Variants in PPARGC1A observed in about 807,000 individuals in gnomAD.
The protein encoded by PPARGC1A is peroxisome proliferator-activated receptor gamma coactivator 1-alpha.
A neutral mutation model predicts 88.7 loss-of-function variants in PPARGC1A; 25 were observed. The observed-to-expected ratio is 0.28, with a 90% CI of 0.21 to 0.39. The LOEUF is 0.39. Ranked by LOEUF, PPARGC1A falls within the 10% of genes least tolerant of loss-of-function variation. The pLI is 1.00. For synonymous variants in PPARGC1A, 363 were observed against 355.6 expected (o/e 1.02, Z -0.24); for missense variants, 880 against 968.7 (o/e 0.91, Z 1.22).
the PPARGC1A span, among the ~76,000 whole-genome samples, chr4:24,228,690 A>AG: frequency 2.0e-5 from 3 of 152,208 alleles, no homozygotes; most frequent in Admixed American, 6.5e-5. Flanking sequence ...TAGGGAATAA[A>AG]GGTAGGACCC....
chr4:24,172,287 GC>G, the PPARGC1A span, among the ~76,000 whole-genome samples: 1 of 152,178 alleles, frequency 6.6e-6, no homozygotes, highest in Admixed American at 6.5e-5. Context: ...ATGTTTTAAT[GC>G]CTGAACCTCC....
chr4:24,225,554 A>C, the PPARGC1A span, among the ~76,000 whole-genome samples: 1 of 151,678 alleles, frequency 6.6e-6, no homozygotes, highest in Non-Finnish European at 1.5e-5. Context: ...CACACACACA[A>C]AAACAAAACA....
At chr4:24,036,891 C>T in the PPARGC1A span, among the ~76,000 whole-genome samples, 1 of 152,198 alleles carries the variant, frequency 6.6e-6, no homozygotes, top group African/African-American at 2.4e-5. Flanking sequence ...ATGTCCAGTA[C>T]TTAGAACAAC....
chr4:24,086,362 T>C, the PPARGC1A span, among the ~76,000 whole-genome samples: 5 of 152,218 alleles, frequency 3.3e-5, no homozygotes, highest in Admixed American at 6.5e-5. Context: ...GAATGGCTGG[T>C]GTCACATCCA....
At chr4:23,918,233 T>G in the PPARGC1A span, among the ~76,000 whole-genome samples, 1 of 152,116 alleles carries the variant, frequency 6.6e-6, no homozygotes, top group South Asian at 2.1e-4. Flanking sequence ...TTTTTTCTTT[T>G]TTTTGGGGGG....
At chr4:23,816,636 A>G (rs1337481225) in intron 7 of PPARGC1A, among the ~76,000 whole-genome samples, 1 of 152,204 alleles carries the variant, frequency 6.6e-6, no homozygotes, top group African/African-American at 2.4e-5. Context: ...AGTAAATACC[A>G]ATCAAATATG....
At chr4:23,949,282 T>C in the PPARGC1A span, among the ~76,000 whole-genome samples, 1 of 152,150 alleles carries the variant, frequency 6.6e-6, no homozygotes. Context: ...TGGAGTAACA[T>C]GCACAAAAGA....
At chr4:23,884,522 T>G in intron 2 of PPARGC1A, 1 of 442,736 alleles carries the variant, frequency 2.3e-6, no homozygotes, top group Non-Finnish European at 3.9e-6. Context: ...CTCACAGTTG[T>G]TGATTCCTAG....
intron 2 of PPARGC1A, among the ~76,000 whole-genome samples, chr4:23,858,572 C>A (rs1464663217): frequency 6.6e-6 from 1 of 152,180 alleles, no homozygotes; most frequent in East Asian, 1.9e-4. Flanking sequence ...GGAATTTGGG[C>A]AAGCCCCTTT....
chr4:24,160,093 C>A, the PPARGC1A span, among the ~76,000 whole-genome samples: 6 of 152,186 alleles, frequency 3.9e-5, no homozygotes, highest in African/African-American at 1.4e-4. Flanking sequence ...GTCTCAAACT[C>A]AAATCCCAGC....
At chr4:24,050,621 T>A in the PPARGC1A span, among the ~76,000 whole-genome samples, 1 of 152,174 alleles carries the variant, frequency 6.6e-6, no homozygotes, top group African/African-American at 2.4e-5. Context: ...ACATCAGAGT[T>A]CCCTAGTCTG....
At chr4:23,976,965 A>G in the PPARGC1A span, among the ~76,000 whole-genome samples, 2,281 of 152,164 alleles carry the variant, frequency 0.015, 63 homozygotes, top group African/African-American at 0.052. Context: ...AGAAGAGGAA[A>G]AGGAAAAGGA....
chr4:24,184,917 G>C, the PPARGC1A span, among the ~76,000 whole-genome samples: 3 of 152,184 alleles, frequency 2.0e-5, no homozygotes, highest in African/African-American at 7.2e-5. Flanking sequence ...GGAAAAAGAA[G>C]CCTCAGAAAG....
At chr4:24,306,137 G>C in the PPARGC1A span, among the ~76,000 whole-genome samples, 1 of 152,092 alleles carries the variant, frequency 6.6e-6, no homozygotes, top group Non-Finnish European at 1.5e-5. Context: ...CACAGTCCCA[G>C]ATAAAAACAA....
upstream of PPARGC1A, among the ~76,000 whole-genome samples, chr4:23,892,544 G>GTTTTTTT (rs34009315): frequency 6.9e-6 from 1 of 144,102 alleles, no homozygotes; most frequent in Non-Finnish European, 1.5e-5. Flanking sequence ...CTTCAGTCCA[G>GTTTTTTT]TTTTTTTTTT....
the PPARGC1A span, among the ~76,000 whole-genome samples, chr4:24,338,620 A>C: frequency 6.6e-6 from 1 of 152,322 alleles, no homozygotes; most frequent in South Asian, 2.1e-4. Flanking sequence ...CCCCCGTTTC[A>C]AGTCCTTTTC....
intron 2 of PPARGC1A, among the ~76,000 whole-genome samples, chr4:23,870,368 C>T (rs551518247): frequency 1.2e-4 from 18 of 152,278 alleles, no homozygotes; most frequent in African/African-American, 3.4e-4. Flanking sequence ...ACTGTATGGA[C>T]CTATTGAGAA....
the PPARGC1A span, among the ~76,000 whole-genome samples, chr4:23,992,540 C>G: frequency 1.3e-5 from 2 of 151,966 alleles, no homozygotes; most frequent in African/African-American, 4.8e-5. Context: ...CCAAAAAAAA[C>G]AGCCAAGTTG....
the PPARGC1A span, among the ~76,000 whole-genome samples, chr4:23,940,318 G>C: frequency 6.6e-6 from 1 of 152,156 alleles, no homozygotes; most frequent in South Asian, 2.1e-4. Context: ...TGTGGAAGAC[G>C]CTACATGGAA....
Sources: allele counts gnomAD v4.1 joint callset (sites outside exome capture counted in the v4.1 genomes callset), GRCh38; gene constraint gnomAD v4.1.1; transcripts MANE v1.5; gene names NCBI Gene and HGNC (gene_info 2026-07-23, HGNC 2026-07-21).